Variants in SPTY2D1 observed in about 807,000 individuals in gnomAD.
SPTY2D1 encodes the protein protein SPT2 homolog.
Under a neutral mutation model 64.0 loss-of-function variants are expected in SPTY2D1, and 21 were observed. The ratio of observed to expected loss-of-function variants is 0.33; its 90% CI spans 0.23 to 0.47. The LOEUF is 0.47. Ranked by LOEUF, SPTY2D1 falls within the 20% of genes least tolerant of loss-of-function variation. The pLI is 1.00. For missense variants in SPTY2D1, 724 were observed against 837.2 expected (o/e 0.86, Z 1.67); for synonymous variants, 287 against 286.8 (o/e 1.00, Z -0.01).
chr11:18,612,399 T>C lies in SPTY2D1; in HGVS notation c.1801A>G (p.Met601Val). The change falls in exon 4 of 6, where the codon ATG (methionine) becomes GTG (valine). Residue 601 changes from methionine to valine, a missense_variant. Met to Val is a conservative substitution (Grantham distance 21). Coordinates refer to ENST00000336349, the MANE Select transcript of SPTY2D1 (RefSeq NM_194285.3). This position sits in a 1 kb window ranked among gnomAD's most constrained non-coding sequence, Gnocchi z 4.6. ...CCTTCATCTTCAATAAAATCTTCCATTTCAGAGTCGTATTCATCATCATCG... is the reference window on the plus strand; with the variant it reads ...CCTTCATCTTCAATAAAATCTTCCACTTCAGAGTCGTATTCATCATCATCG... ...DDDDDEYDSE[M>V]EDFIEDEGEP... The C allele has an allele frequency of 6.2e-7, 1 of 1,611,792 alleles. No individual in the cohort carries two copies. Among genetic ancestry groups the C allele is most frequent in the South Asian group, 1.1e-5 (1 of 90,842 alleles).
chr11:18,618,939 G>T (rs1179302317), intron 1 of SPTY2D1, among the ~76,000 whole-genome samples: 2 of 152,142 alleles, frequency 1.3e-5, no homozygotes, highest in African/African-American at 4.8e-5. Flanking sequence ...ACAGCATCCA[G>T]ATTTCTTTCC....
In SPTY2D1 at chr11:18,609,894, T is replaced by C. The variant is rs1339507324; in HGVS notation, c.2025A>G (p.Gln675=). The change falls in exon 6 of 6, where the codon CAA becomes CAG. Residue 675 remains glutamine, a synonymous_variant. Transcript: ENST00000336349. ...EEMRREEEEM[Q]RRRAKKLKRR is the part of the protein sequence containing the mutation. ...TCTTCAGCTTCTTGGCCCTTCGACG[T>C]TGCATTTCTTCTTCTTCACGTCTCA... 10 of 1,614,090 alleles carry C rather than the reference T, an allele frequency of 6.2e-6. No individual in the cohort carries two copies. In the Admixed American group the frequency reaches 1.5e-4, roughly 24 times the overall value.
In SPTY2D1 at chr11:18,608,502, G is replaced by A. The variant is rs1467685553; in HGVS notation, c.*1359C>T. 1 of 152,178 alleles carries A rather than the reference G, an allele frequency of 6.6e-6. No homozygotes were observed. Among genetic ancestry groups the A allele is most frequent in the African/African-American group, 2.4e-5 (1 of 41,428 alleles). The allele number at this position is 152,178 out of a possible 1,614,324, so 9.4% of individuals were successfully genotyped here. On this transcript the variant is annotated 3_prime_UTR_variant, in exon 6 of 6. Transcript: ENST00000336349. ...TAAGATAGCCAAAACGTTTATTGTA[G>A]AACGTTTATTATTCCTACAAGCTTA...
At position 18,622,936 on chromosome 11, in the gene SPTY2D1, G is replaced by C. The variant is rs377603281; in HGVS notation, c.61-5947C>G. 1.3e-4 allele frequency among the ~76,000 whole-genome samples: 19 copies of C among 150,328 alleles called. 1 individual carries two copies. Among genetic ancestry groups the C allele is most frequent in the South Asian group, 1.1e-3 (5 of 4,728 alleles). ...CACTGTACTCCAGCCTGGGCAACAA[G>C]AGCAAAACTCTGTCTCAAAACAACA... is the stretch of plus-strand genomic sequence containing the variant. On this transcript the variant is annotated intron_variant, in intron 1 of 5. Transcript: ENST00000336349.
In SPTY2D1 at chr11:18,609,741, AT is replaced by A; in HGVS notation, c.*119del. The A allele has an allele frequency of 1.3e-6, 1 of 794,230 alleles. No individual in the cohort carries two copies. The highest frequency in any genetic ancestry group is 2.1e-6 in the Non-Finnish European group (1 of 486,078). 49.2% of individuals were successfully genotyped at this position (794,230 alleles called of 1,614,324 possible). On this transcript the variant is annotated 3_prime_UTR_variant, in exon 6 of 6. Transcript: ENST00000336349. The stretch of plus-strand genomic sequence containing the variant: ...TGACAGCCTGCAAATGACAGTATGC[AT>A]TCCTTCTCCTTGAGTACCCAAGTAT...
chr11:18,617,009 AAGTT>A lies in SPTY2D1; in HGVS notation c.61-24_61-21del, dbSNP rs1565159716. 1.2e-6 allele frequency: 2 copies of A among 1,605,742 alleles called. No individual in the cohort carries two copies. Among genetic ancestry groups the A allele is most frequent in the Non-Finnish European group, 1.7e-6 (2 of 1,172,668 alleles). The stretch of plus-strand genomic sequence containing the variant: ...CCTTTTCTAAAAACAAAAACAGTAA[AAGTT>A]AGAAGCAATTCAACTTTTAAAATAC... On this transcript the variant is annotated intron_variant, in intron 1 of 5. Coordinates refer to ENST00000336349, the MANE Select transcript of SPTY2D1 (RefSeq NM_194285.3).
At chr11:18,634,144 T>G (rs1034708788) in intron 1 of SPTY2D1, 54 bp downstream of exon 1, 6 of 1,605,102 alleles carry the variant, frequency 3.7e-6, no homozygotes, top group East Asian at 2.2e-5. Flanking sequence ...GCCACACACA[T>G]TCCGAACTTG....
chr11:18,629,741 T>C (rs1854555830), intron 1 of SPTY2D1, among the ~76,000 whole-genome samples: 1 of 152,228 alleles, frequency 6.6e-6, no homozygotes, highest in African/African-American at 2.4e-5. Flanking sequence ...GAAATGACAG[T>C]GTGCCTACTA....
At chr11:18,619,527 G>A (rs1409935973) in intron 1 of SPTY2D1, among the ~76,000 whole-genome samples, 1 of 151,736 alleles carries the variant, frequency 6.6e-6, no homozygotes, top group Non-Finnish European at 1.5e-5. Flanking sequence ...GGGAGGCTGA[G>A]GCAGGCGGAT....
chr11:18,620,116 T>C (rs1459395204), intron 1 of SPTY2D1, among the ~76,000 whole-genome samples: 1 of 152,224 alleles, frequency 6.6e-6, no homozygotes, highest in Non-Finnish European at 1.5e-5. Flanking sequence ...GTCATTTGCA[T>C]ACTACCTTTA....
At position 18,608,613 on chromosome 11, in the gene SPTY2D1, C is replaced by G. The variant is rs1452837887; in HGVS notation, c.*1248G>C. On this transcript the variant is annotated 3_prime_UTR_variant, in exon 6 of 6. Coordinates refer to ENST00000336349, the MANE Select transcript of SPTY2D1 (RefSeq NM_194285.3). ...ATCTCATTTTCTGTTGCTGACAGTT[C>G]TTGAGACTTGGCTTCCTTCCAGCAT... The G allele has an allele frequency of 6.6e-6, 1 of 152,184 alleles. No individual in the cohort carries two copies. Among genetic ancestry groups the G allele is most frequent in the Non-Finnish European group, 1.5e-5 (1 of 68,030 alleles). The allele number at this position is 152,184 out of a possible 1,614,324, so 9.4% of individuals were successfully genotyped here.
rs112362034 is a variant in SPTY2D1 at position 18,620,657 on chromosome 11, C to T, written c.61-3668G>A. Among the ~76,000 whole-genome samples, 694 of 151,952 alleles carry T rather than the reference C, an allele frequency of 4.6e-3. 7 individuals are homozygous for T. The highest frequency in any genetic ancestry group is 0.016 in the African/African-American group (664 of 41,490). ...ATCCCAGCACTTTGGGAGGCCAAGG[C>T]GGGCGGATCATGAGGTCAGGAGATT... On this transcript the variant is annotated intron_variant, in intron 1 of 5. Coordinates refer to ENST00000336349, the MANE Select transcript of SPTY2D1 (RefSeq NM_194285.3).
chr11:18,613,201 A>AT (rs1854235288), intron 3 of SPTY2D1, among the ~76,000 whole-genome samples: 1 of 152,258 alleles, frequency 6.6e-6, no homozygotes, highest in East Asian at 1.9e-4. Flanking sequence ...TGAATGAAGT[A>AT]TGAATGACTC....
At chr11:18,621,946 G>C (rs1199851566) in intron 1 of SPTY2D1, among the ~76,000 whole-genome samples, 3 of 151,522 alleles carry the variant, frequency 2.0e-5, no homozygotes, top group African/African-American at 4.8e-5. Context: ...AATTAGCTGG[G>C]CACAGTGGCA....
intron 1 of SPTY2D1, among the ~76,000 whole-genome samples, chr11:18,626,570 G>A (rs796904037): frequency 2.0e-5 from 3 of 152,240 alleles, no homozygotes; most frequent in African/African-American, 7.2e-5. Flanking sequence ...ATGATTAAGA[G>A]CAAGAACTCT....
At chr11:18,622,161 A>G (rs984915128) in intron 1 of SPTY2D1, among the ~76,000 whole-genome samples, 2 of 150,848 alleles carry the variant, frequency 1.3e-5, no homozygotes, top group Non-Finnish European at 3.0e-5. Context: ...ATATTAAAAC[A>G]CTCTTAGACA....
chr11:18,632,701 C>A (rs1854607885), intron 1 of SPTY2D1, among the ~76,000 whole-genome samples: 1 of 152,156 alleles, frequency 6.6e-6, no homozygotes, highest in South Asian at 2.1e-4. Flanking sequence ...TTATTCCAAT[C>A]ATAGATAATG....
In SPTY2D1 at chr11:18,615,278, A is replaced by C; in HGVS notation, c.996T>G (p.Thr332=). 1 of 1,614,190 alleles carries C rather than the reference A, an allele frequency of 6.2e-7. No homozygotes were observed. The change falls in exon 3 of 6, where the codon ACT becomes ACG. Residue 332 remains threonine, a synonymous_variant. Coordinates refer to ENST00000336349, the MANE Select transcript of SPTY2D1 (RefSeq NM_194285.3). ...CTTTGTGCTCAACAGCAGATTTCTG[A>C]GTCCTGCTAGCAGAAGTCTTTGGGA... ...PSVPKTSASR[T]QKSAVEHKAK...
At chr11:18,627,523 A>G (rs1483431299) in intron 1 of SPTY2D1, among the ~76,000 whole-genome samples, 1 of 152,088 alleles carries the variant, frequency 6.6e-6, no homozygotes, top group Non-Finnish European at 1.5e-5. Context: ...CGGGTGGATC[A>G]CTTGAGGTCA....
Sources: allele counts gnomAD v4.1 joint callset (sites outside exome capture counted in the v4.1 genomes callset), GRCh38; gene constraint gnomAD v4.1.1; non-coding constraint Gnocchi (gnomAD v3.1); transcripts MANE v1.5; gene names NCBI Gene and HGNC (gene_info 2026-07-23, HGNC 2026-07-21).